RBM5: variants seen among roughly 807,000 people sequenced by gnomAD.
The protein encoded by RBM5 is RNA binding motif protein 5.
A neutral mutation model predicts 124.6 loss-of-function variants in RBM5; 15 were observed. That is an observed-to-expected ratio of 0.12 (90% CI 0.08 to 0.19). The LOEUF (loss-of-function observed/expected upper bound fraction) is 0.19. RBM5 is among the 10% of genes least tolerant of loss of function. RBM5 has a pLI of 1.00. For synonymous variants in RBM5, 337 were observed against 361.2 expected, an observed-to-expected ratio of 0.93 and a Z score of 0.76; for missense variants, 580 against 1,026.5, an observed-to-expected ratio of 0.57 and a Z score of 5.94.
chr3:50,102,237 G>C (rs1559684849), intron 6 of RBM5: 1 of 151,976 alleles, frequency 6.6e-6, no homozygotes, highest in Non-Finnish European at 1.5e-5. Flanking sequence ...TAGGTGCTAG[G>C]TATACTCTTG....
intron 4 of RBM5, 110 bp downstream of exon 4, chr3:50,093,985 T>A: frequency 8.3e-7 from 1 of 1,208,970 alleles, no homozygotes; most frequent in Non-Finnish European, 1.2e-6. Flanking sequence ...AGAGGTTGAG[T>A]ATCCCTTATC....
chr3:50,096,795 C>T (rs1253370481), intron 4 of RBM5, among the ~76,000 whole-genome samples: 2 of 148,970 alleles, frequency 1.3e-5, no homozygotes, highest in African/African-American at 5.0e-5. Context: ...TTTGTAGAGA[C>T]AAGGTCTCTC....
At chr3:50,090,552 C>A in intron 2 of RBM5, 101 bp downstream of exon 2, 1 of 1,378,012 alleles carries the variant, frequency 7.3e-7, no homozygotes, top group Non-Finnish European at 1.0e-6. Context: ...TGTTTTGCGC[C>A]AGGCATTGCT....
intron 4 of RBM5, among the ~76,000 whole-genome samples, chr3:50,098,209 G>C (rs1265896527): frequency 1.3e-5 from 2 of 152,128 alleles, no homozygotes; most frequent in Non-Finnish European, 2.9e-5. Context: ...TTGATTAGGC[G>C]TACTTCAGGG....
intron 1 of RBM5, chr3:50,089,837 C>T (rs2090672155): frequency 6.5e-6 from 1 of 154,110 alleles, no homozygotes; most frequent in African/African-American, 2.4e-5. Context: ...TTATTGTTAC[C>T]TAGGAATTAG....
At chr3:50,118,125 T>C in intron 24 of RBM5, 2 of 651,230 alleles carry the variant, frequency 3.1e-6, no homozygotes, top group South Asian at 2.2e-5. Context: ...GGTGATTTGC[T>C]TCATCTGCCT....
In RBM5 at chr3:50,115,951, C is replaced by T; in HGVS notation, c.2065C>T (p.Leu689=). 1 of 1,613,996 alleles carries T rather than the reference C, an allele frequency of 6.2e-7. No individual in the cohort carries two copies. The highest frequency in any genetic ancestry group is 8.5e-7 in the Non-Finnish European group (1 of 1,179,846). Reference sequence around the variant, plus strand: ...ACGATCCAGGCTGAGCGAGCAGGAGCTGGAAGCCTTGGAGCTAAGGGAGAG... The same window carrying T: ...ACGATCCAGGCTGAGCGAGCAGGAGTTGGAAGCCTTGGAGCTAAGGGAGAG... ...YRRSRLSEQE[L]EALELREREM... is the part of the protein sequence containing the mutation. Residue 689 remains leucine, a synonymous_variant, in exon 22 of 25, where the codon CTG becomes TTG. Transcript: ENST00000347869.
intron 4 of RBM5, among the ~76,000 whole-genome samples, chr3:50,098,352 C>T (rs1022452446): frequency 2.0e-5 from 3 of 152,158 alleles, no homozygotes; most frequent in Non-Finnish European, 2.9e-5. Flanking sequence ...ATTGTAACCT[C>T]GAACTCCTGG....
At chr3:50,105,814 C>T (rs1238282395) in intron 10 of RBM5, 105 bp downstream of exon 10, 18 of 1,242,104 alleles carry the variant, frequency 1.4e-5, no homozygotes, top group Non-Finnish European at 1.7e-5. Flanking sequence ...GCCCAAGATG[C>T]AAGGCTCCCT....
intron 4 of RBM5, among the ~76,000 whole-genome samples, chr3:50,094,729 A>G (rs1028309329): frequency 6.6e-6 from 1 of 152,118 alleles, no homozygotes; most frequent in Non-Finnish European, 1.5e-5. Flanking sequence ...TGACCTTTCA[A>G]ATAAGGTCAG....
intron 17 of RBM5, 56 bp from the exon 18 acceptor site, chr3:50,113,327 A>G (rs1007178801): frequency 6.5e-7 from 1 of 1,535,054 alleles, no homozygotes; most frequent in African/African-American, 1.4e-5. Context: ...AAAATATGTA[A>G]TCGACTGACA....
rs1478916485 is a variant in RBM5, at chr3:50,113,486, C to T, written c.1559C>T (p.Pro520Leu). 6 of 1,614,012 alleles carry T rather than the reference C, an allele frequency of 3.7e-6. No homozygotes were observed. The highest frequency in any genetic ancestry group is 5.1e-6 in the Non-Finnish European group (6 of 1,180,030). The change falls in exon 18 of 25, where the codon CCT becomes CTT. Residue 520 changes from proline (P) to leucine (L), a missense_variant. This residue lies in a region of RBM5 where 234 missense variants were observed against 435.1 expected (regional missense o/e 0.54). Transcript: ENST00000347869. ...AGCTCCCACCAGCAGTCGGGCCTGC[C>T]TCCTGCAAAAGAGGGGAAAGAGAAG... The part of the protein sequence containing the change: ...ESSSHQQSGL[P>L]PAKEGKEKKE...
intron 10 of RBM5, among the ~76,000 whole-genome samples, chr3:50,106,467 A>G (rs1335442051): frequency 1.3e-5 from 2 of 152,152 alleles, no homozygotes; most frequent in Non-Finnish European, 2.9e-5. Context: ...GGTTTTTGCC[A>G]TGTTGGCCAG....
rs764263278 is a variant in RBM5 at position 50,117,209 on chromosome 3, G to T, written c.2192+38G>T. ...CACATTTTCCAGTTCGTAAGCTGGG[G>T]CCCTGGCTGTTTTAAGTAACTGTGT... On this transcript the variant is annotated intron_variant, in intron 23 of 24. Coordinates refer to ENST00000347869, the MANE Select transcript of RBM5 (RefSeq NM_005778.4). The surrounding 1 kb of genome is among the most constrained non-coding windows in gnomAD (Gnocchi z 4.2). 2 of 1,614,182 alleles carry T rather than the reference G, an allele frequency of 1.2e-6. No individual in the cohort carries two copies. The highest frequency in any genetic ancestry group is 1.7e-6 in the Non-Finnish European group (2 of 1,180,024).
At chr3:50,091,325 T>G (rs1001802065) in intron 2 of RBM5, among the ~76,000 whole-genome samples, 1 of 152,240 alleles carries the variant, frequency 6.6e-6, no homozygotes, top group Non-Finnish European at 1.5e-5. Flanking sequence ...TCCTTTGCCT[T>G]ATGATTGCAC....
At chr3:50,094,002 G>T in intron 4 of RBM5, 127 bp downstream of exon 4, 2 of 1,022,910 alleles carry the variant, frequency 2.0e-6, no homozygotes, top group Non-Finnish European at 1.4e-6. Flanking sequence ...TATCCAAAAT[G>T]CTTGGGACCA....
chr3:50,103,843 T>C (rs1333242349), intron 7 of RBM5, among the ~76,000 whole-genome samples: 2 of 152,178 alleles, frequency 1.3e-5, no homozygotes, highest in Admixed American at 1.3e-4. Context: ...AATGTTGACA[T>C]TGATATTTTG....
chr3:50,089,571 C>G (rs998543164), intron 1 of RBM5, among the ~76,000 whole-genome samples: 1 of 152,260 alleles, frequency 6.6e-6, no homozygotes, highest in African/African-American at 2.4e-5. Context: ...GCCCGGGAGA[C>G]AAGGGGCGGC....
chr3:50,116,905 A>G (rs1217503019), intron 22 of RBM5, 169 bp from the exon 23 acceptor site: 7 of 613,430 alleles, frequency 1.1e-5, no homozygotes, highest in Non-Finnish European at 2.0e-5. Flanking sequence ...CATTTCAGAT[A>G]TGACTAGGTA....
Sources: gnomAD v4.1 joint callset for allele counts (sites outside exome capture counted in the v4.1 genomes callset) on GRCh38, gnomAD v4.1.1 for gene constraint, gnomAD v4.1.1 regional missense constraint, Gnocchi (gnomAD v3.1) non-coding constraint, MANE v1.5 for transcripts, NCBI Gene and HGNC (gene_info 2026-07-23, HGNC 2026-07-21) for gene names.